Variants in EXOC4 observed in about 807,000 individuals in gnomAD.
The protein encoded by EXOC4 is SEC8-like 1.
A neutral mutation model predicts 107.2 loss-of-function variants in EXOC4; 71 were observed. The observed-to-expected ratio is 0.66, with a 90% CI of 0.55 to 0.81. The LOEUF (loss-of-function observed/expected upper bound fraction) is 0.81. Among genes scored for constraint, EXOC4 ranks in the 30% least tolerant of loss-of-function variants. The probability of loss-of-function intolerance (pLI) is 0.00; values close to 1 mark genes in which losing one functional copy is unlikely to be tolerated. For missense variants in EXOC4, 1,108 were observed against 1,189.6 expected (o/e 0.93, Z 1.01); for synonymous variants, 456 against 441.2 (o/e 1.03, Z -0.42).
intron 13 of EXOC4, among the ~76,000 whole-genome samples, chr7:133,935,827 G>A (rs943621358): frequency 2.6e-5 from 4 of 152,162 alleles, no homozygotes; most frequent in African/African-American, 7.2e-5. Context: ...CTGGAAGACA[G>A]TTACATGGGG....
chr7:133,627,153 T>C (rs1035568880), intron 9 of EXOC4, among the ~76,000 whole-genome samples: 2 of 152,196 alleles, frequency 1.3e-5, no homozygotes, highest in Non-Finnish European at 2.9e-5. Context: ...ATGGGTTATT[T>C]TATACATAGT....
rs144524313 is a variant in EXOC4 at position 133,756,861 on chromosome 7, T to C, written c.1515-60464T>C. On this transcript the variant is annotated intron_variant, in intron 10 of 17. Coordinates refer to ENST00000253861, the MANE Select transcript of EXOC4 (RefSeq NM_021807.4). ...AATAGTGACAAAAATGAGTTCAATA[T>C]ATCTGGATCTGATCTGATTATTTAG... Among the ~76,000 whole-genome samples the C allele has an allele frequency of 5.6e-4, 85 of 152,328 alleles. 1 individual carries two copies. In the East Asian group the frequency reaches 0.015, roughly 28 times the overall value.
At chr7:133,856,308 G>T (rs1363679194) in intron 11 of EXOC4, among the ~76,000 whole-genome samples, 2 of 152,372 alleles carry the variant, frequency 1.3e-5, no homozygotes, top group South Asian at 2.1e-4. Context: ...TGGTGCCATT[G>T]TAAGTGGGAA....
At chr7:133,477,084 C>T (rs781379574) in intron 8 of EXOC4, among the ~76,000 whole-genome samples, 6 of 152,254 alleles carry the variant, frequency 3.9e-5, no homozygotes, top group African/African-American at 1.2e-4. Context: ...TTATATTCCC[C>T]GCTTCTCTGC....
chr7:134,073,354 ACAC>A, the EXOC4 span, among the ~76,000 whole-genome samples: 200 of 151,692 alleles, frequency 1.3e-3, no homozygotes, highest in African/African-American at 4.8e-3. Flanking sequence ...TTCTGATCTT[ACAC>A]GATTGTTTCA....
intron 17 of EXOC4, among the ~76,000 whole-genome samples, chr7:134,019,667 T>C (rs541616152): frequency 1.3e-5 from 2 of 152,272 alleles, no homozygotes; most frequent in South Asian, 4.2e-4. Context: ...CAAACTTAGG[T>C]CAATCCAACC....
intron 7 of EXOC4, among the ~76,000 whole-genome samples, chr7:133,391,969 A>T (rs1472481560): frequency 1.3e-5 from 2 of 152,226 alleles, no homozygotes; most frequent in Non-Finnish European, 2.9e-5. Context: ...AATTCAAGTA[A>T]CAAATAAAGG....
At chr7:133,607,465 T>C (rs1009068206) in intron 9 of EXOC4, among the ~76,000 whole-genome samples, 1 of 152,322 alleles carries the variant, frequency 6.6e-6, no homozygotes, top group Non-Finnish European at 1.5e-5. Flanking sequence ...GAAATAAAAA[T>C]AGATTCGGCA....
At chr7:133,467,245 A>T in intron 7 of EXOC4, among the ~76,000 whole-genome samples, 1 of 149,120 alleles carries the variant, frequency 6.7e-6, no homozygotes, top group East Asian at 1.9e-4. Flanking sequence ...TTTTTGCAGA[A>T]TGACTGATTA....
At chr7:133,458,597 T>G (rs1200608096) in intron 7 of EXOC4, among the ~76,000 whole-genome samples, 1 of 152,168 alleles carries the variant, frequency 6.6e-6, no homozygotes, top group African/African-American at 2.4e-5. Context: ...GTAAAGGCAT[T>G]TCACTCTGCT....
intron 5 of EXOC4, among the ~76,000 whole-genome samples, chr7:133,328,625 G>C (rs140332623): frequency 8.5e-4 from 129 of 151,678 alleles, no homozygotes; most frequent in African/African-American, 3.1e-3. Flanking sequence ...GGTGGTGACA[G>C]AATCTCTCAG....
chr7:133,561,931 T>A (rs1235755200), intron 9 of EXOC4, among the ~76,000 whole-genome samples: 1 of 152,220 alleles, frequency 6.6e-6, no homozygotes, highest in Admixed American at 6.5e-5. Context: ...ATATCTTACT[T>A]GGTGTCATTT....
chr7:133,303,497 A>C (rs936528425), intron 3 of EXOC4, among the ~76,000 whole-genome samples: 2 of 152,224 alleles, frequency 1.3e-5, no homozygotes, highest in Non-Finnish European at 2.9e-5. Context: ...CAAATGTTGC[A>C]TTGACAACTA....
intron 9 of EXOC4, among the ~76,000 whole-genome samples, chr7:133,506,481 G>A (rs1799667836): frequency 6.6e-6 from 1 of 151,868 alleles, no homozygotes. Flanking sequence ...AATTTTTTTG[G>A]TTTTGTATGT....
intron 10 of EXOC4, among the ~76,000 whole-genome samples, chr7:133,804,434 T>A (rs1479914831): frequency 2.0e-5 from 3 of 152,062 alleles, no homozygotes; most frequent in Non-Finnish European, 2.9e-5. Context: ...AACTTAAGAG[T>A]GTGATAAGAA....
intron 1 of EXOC4, among the ~76,000 whole-genome samples, chr7:133,261,240 C>A (rs4433086): frequency 0.3 from 44,540 of 150,148 alleles, 7,085 homozygotes; most frequent in African/African-American, 0.42. Flanking sequence ...TTTTTTTTTC[C>A]CTCTTCCTTT....
intron 14 of EXOC4, among the ~76,000 whole-genome samples, chr7:133,980,687 A>C (rs140765940): frequency 2.0e-5 from 3 of 152,228 alleles, no homozygotes; most frequent in African/African-American, 7.2e-5. Context: ...TGTGTAGTCA[A>C]CTGATAGAGA....
At chr7:133,704,192 A>G (rs1247393424) in intron 10 of EXOC4, among the ~76,000 whole-genome samples, 1 of 152,186 alleles carries the variant, frequency 6.6e-6, no homozygotes, top group Non-Finnish European at 1.5e-5. Flanking sequence ...CAATTAGGTG[A>G]TCCTCCCGTC....
rs1413641339 is a variant in EXOC4 at position 133,603,924 on chromosome 7, T to C, written c.1418-26121T>C. Among the ~76,000 whole-genome samples, 7 of 152,190 alleles carry C rather than the reference T, an allele frequency of 4.6e-5. No homozygotes were observed. In the East Asian group the frequency reaches 1.3e-3, roughly 29 times the overall value. ...TTTTTTACTCTTGTAATAACACAGC[T>C]TAAAACACAAACACAGTGTACAGCT... On this transcript the variant is annotated intron_variant, in intron 9 of 17. Coordinates refer to ENST00000253861, the MANE Select transcript of EXOC4 (RefSeq NM_021807.4).
Sources: gnomAD v4.1 joint callset for allele counts (sites outside exome capture counted in the v4.1 genomes callset) on GRCh38, gnomAD v4.1.1 for gene constraint, MANE v1.5 for transcripts, NCBI Gene and HGNC (gene_info 2026-07-23, HGNC 2026-07-21) for gene names.